The following PALS2 variants were observed in gnomAD, a reference collection of about 807,000 sequenced individuals.
PALS2 encodes protein PALS2.
Under a neutral mutation model 61.6 loss-of-function variants are expected in PALS2, and 27 were observed. The observed-to-expected ratio is 0.44, with a 90% CI of 0.32 to 0.60. The LOEUF is 0.60. PALS2 is among the 20% of genes least tolerant of loss of function. The pLI is 0.05. For missense variants in PALS2, 554 were observed against 639.4 expected, an observed-to-expected ratio of 0.87 and a Z score of 1.44; for synonymous variants, 236 against 218.6, an observed-to-expected ratio of 1.08 and a Z score of -0.70.
chr7:24,641,596 G>T (rs1310558059), intron 2 of PALS2, 120 bp from the exon 3 acceptor site: 1 of 826,710 alleles, frequency 1.2e-6, no homozygotes, highest in Non-Finnish European at 1.8e-6. Context: ...ATTAAATTTG[G>T]TTTACATGAA....
intron 1 of PALS2, among the ~76,000 whole-genome samples, chr7:24,608,232 A>G (rs143516941): frequency 8.5e-5 from 13 of 152,212 alleles, no homozygotes; most frequent in Non-Finnish European, 1.3e-4. Context: ...TTCCTTTTAC[A>G]TTAACATTTT....
chr7:24,578,156 G>A (rs1211843985), intron 1 of PALS2, among the ~76,000 whole-genome samples: 1 of 151,962 alleles, frequency 6.6e-6, no homozygotes, highest in Non-Finnish European at 1.5e-5. Context: ...TGTGTGTGTT[G>A]CCCAGGCTGC....
chr7:24,598,975 G>A (rs1783618826), intron 1 of PALS2, among the ~76,000 whole-genome samples: 3 of 152,154 alleles, frequency 2.0e-5, no homozygotes, highest in African/African-American at 7.2e-5. Flanking sequence ...GTACTTTAAA[G>A]GATGATACAT....
chr7:24,659,868 C>G (rs1583965590), intron 5 of PALS2, among the ~76,000 whole-genome samples: 1 of 152,214 alleles, frequency 6.6e-6, no homozygotes, highest in Non-Finnish European at 1.5e-5. Flanking sequence ...ACAATTCTCT[C>G]TCTGTGCAGC....
intron 3 of PALS2, among the ~76,000 whole-genome samples, chr7:24,643,059 A>G (rs879848353): frequency 6.6e-6 from 1 of 152,150 alleles, no homozygotes; most frequent in Non-Finnish European, 1.5e-5. Flanking sequence ...AACAGGATAT[A>G]GTGATTGGTT....
chr7:24,623,645 A>G (rs565567806), intron 1 of PALS2, 21 bp from the exon 2 acceptor site: 13 of 1,410,320 alleles, frequency 9.2e-6, no homozygotes, highest in Non-Finnish European at 1.3e-5. Flanking sequence ...GTTTGTTTTT[A>G]TGTTGCTTTT....
At position 24,689,689 on chromosome 7, in the gene PALS2, T is replaced by C. The variant is rs1433587603; in HGVS notation, c.*2075T>C. Reference sequence around the variant, plus strand: ...GGTGACAAAATGGATTATACTATTTTAATAACAGTGGAAACTTTCAAACTA... The same window carrying C: ...GGTGACAAAATGGATTATACTATTTCAATAACAGTGGAAACTTTCAAACTA... On this transcript the variant is annotated 3_prime_UTR_variant, in exon 12 of 12. Transcript: ENST00000222644. 4 of 152,162 alleles carry C rather than the reference T, an allele frequency of 2.6e-5. No homozygotes were observed. Among genetic ancestry groups the C allele is most frequent in the Admixed American group, 6.5e-5 (1 of 15,270 alleles). 9.4% of individuals were successfully genotyped at this position (152,162 alleles called of 1,614,324 possible).
chr7:24,690,883 T>C lies in PALS2; in HGVS notation c.*3269T>C, dbSNP rs1788435149. 1 of 151,974 alleles carries C rather than the reference T, an allele frequency of 6.6e-6. No homozygotes were observed. Among genetic ancestry groups the C allele is most frequent in the African/African-American group, 2.4e-5 (1 of 41,286 alleles). The allele number at this position is 151,974 out of a possible 1,614,324, so 9.4% of individuals were successfully genotyped here. ...CCTAGATTCTAGAATCCAATAAATT[T>C]ATAGTAGTTCTTAAGAAGTTTCCTT... On this transcript the variant is annotated 3_prime_UTR_variant, in exon 12 of 12. Coordinates refer to ENST00000222644, the MANE Select transcript of PALS2 (RefSeq NM_001303037.2).
At chr7:24,679,058 C>A in intron 9 of PALS2, 73 bp from the exon 10 acceptor site, 1 of 1,369,098 alleles carries the variant, frequency 7.3e-7, no homozygotes, top group South Asian at 1.2e-5. Context: ...CGTTAAGCCA[C>A]CCTATGTATT....
In PALS2 at chr7:24,641,874, T is replaced by A. The variant is rs538400597; in HGVS notation, c.270+6T>A. On this transcript the variant is annotated splice_donor_region_variant and intron_variant, in intron 3 of 11. Coordinates refer to ENST00000222644, the MANE Select transcript of PALS2 (RefSeq NM_001303037.2). ...TCAAAGAACCTCACTTCCAGGTAAC[T>A]TTCCCTATCACTCAACTCTCAAGTT... 1 of 1,610,846 alleles carries A rather than the reference T, an allele frequency of 6.2e-7. No homozygotes were observed. Among genetic ancestry groups the A allele is most frequent in the Admixed American group, 1.7e-5 (1 of 59,300 alleles).
rs779673958 is a variant in PALS2 at position 24,665,604 on chromosome 7, A to G, written c.800A>G (p.Glu267Gly). 7.4e-6 allele frequency: 12 copies of G among 1,613,556 alleles called. No homozygotes were observed. The highest frequency in any genetic ancestry group is 9.3e-6 in the Non-Finnish European group (11 of 1,179,670). Residue 267 changes from glutamate (E) to glycine (G), a missense_variant, in exon 7 of 12, where the codon GAG becomes GGG. By Grantham distance (98) the Glu-to-Gly change is moderately conservative (BLOSUM62 -2). Transcript: ENST00000222644. ...TGATTCTAGGCTAGCCATGTAAAAG[A>G]GGGAGGAAGCGCTGGTCTCATTCCA... ...PNWWQASHVKEGGSAGLIPSQ... is the reference protein window; with the variant it reads ...PNWWQASHVKGGGSAGLIPSQ...
At chr7:24,590,967 ATCTGTTT>A (rs970755356) in intron 1 of PALS2, among the ~76,000 whole-genome samples, 6 of 151,022 alleles carry the variant, frequency 4.0e-5, no homozygotes, top group African/African-American at 1.2e-4. Context: ...AGCCTTTCTT[ATCTGTTT>A]TCTAACTTCT....
intron 1 of PALS2, among the ~76,000 whole-genome samples, chr7:24,579,514 A>C (rs1053004137): frequency 2.0e-5 from 3 of 152,158 alleles, no homozygotes; most frequent in East Asian, 1.9e-4. Flanking sequence ...TTCCTCCCCC[A>C]AAAAGAGATA....
intron 11 of PALS2, among the ~76,000 whole-genome samples, chr7:24,686,272 C>G (rs1209778323): frequency 6.6e-6 from 1 of 152,180 alleles, no homozygotes; most frequent in Non-Finnish European, 1.5e-5. Context: ...CAACCCTTCT[C>G]TCTGACCTGG....
In PALS2 at chr7:24,665,078, C is replaced by T. The variant is rs1786945115; in HGVS notation, c.784-510C>T. Among the ~76,000 whole-genome samples the T allele has an allele frequency of 5.3e-5, 8 of 152,128 alleles. No homozygotes were observed. In the South Asian group the frequency reaches 1.7e-3, roughly 32 times the overall value. On this transcript the variant is annotated intron_variant, in intron 6 of 11. Transcript: ENST00000222644. Reference sequence around the variant, plus strand: ...AGCTTATTTTAAGTTAGCTGTTTTACATTAGGTGAAGTTTCGCCTAGTTTA... The same window carrying T: ...AGCTTATTTTAAGTTAGCTGTTTTATATTAGGTGAAGTTTCGCCTAGTTTA...
At chr7:24,681,272 A>AGT (rs1787912831) in intron 11 of PALS2, among the ~76,000 whole-genome samples, 1 of 152,264 alleles carries the variant, frequency 6.6e-6, no homozygotes, top group East Asian at 1.9e-4. Context: ...CAAAAGAGGG[A>AGT]ATAAATGAGT....
intron 11 of PALS2, among the ~76,000 whole-genome samples, chr7:24,686,608 T>C (rs1788217674): frequency 1.3e-5 from 2 of 152,250 alleles, no homozygotes; most frequent in South Asian, 4.1e-4. Context: ...TTTGTTTCTT[T>C]CATGGTAGTT....
At chr7:24,603,850 G>GA (rs1034641844) in intron 1 of PALS2, among the ~76,000 whole-genome samples, 13 of 150,172 alleles carry the variant, frequency 8.7e-5, no homozygotes, top group East Asian at 5.8e-4. Context: ...CTCAAACTCT[G>GA]AAAAAAAAAT....
At chr7:24,660,267 T>C (rs1357560943) in intron 5 of PALS2, among the ~76,000 whole-genome samples, 1 of 151,864 alleles carries the variant, frequency 6.6e-6, no homozygotes, top group South Asian at 2.1e-4. Context: ...TCAAAAAATG[T>C]AATATGTATT....
Sources: gnomAD v4.1 joint callset for allele counts (sites outside exome capture counted in the v4.1 genomes callset) on GRCh38, gnomAD v4.1.1 for gene constraint, MANE v1.5 for transcripts, NCBI Gene and HGNC (gene_info 2026-07-23, HGNC 2026-07-21) for gene names.